The following BMPER variants were observed in gnomAD, a reference collection of about 807,000 sequenced individuals.
BMPER encodes BMP-binding endothelial regulator protein.
BMPER carries 45 observed loss-of-function variants against 87.3 expected under a neutral mutation model. The observed-to-expected ratio is 0.52, with a 90% confidence interval of 0.41 to 0.66. BMPER has a LOEUF of 0.66. BMPER is among the 30% of genes least tolerant of loss of function. The probability of loss-of-function intolerance (pLI) is 0.00; values close to 1 mark genes in which losing one functional copy is unlikely to be tolerated. For missense variants in BMPER, 784 were observed against 867.5 expected, an observed-to-expected ratio of 0.90 and a Z score of 1.21; for synonymous variants, 326 against 316.2, an observed-to-expected ratio of 1.03 and a Z score of -0.33.
At chr7:34,004,033 G>A (rs991730584) in intron 6 of BMPER, among the ~76,000 whole-genome samples, 1 of 151,868 alleles carries the variant, frequency 6.6e-6, no homozygotes, top group Admixed American at 6.6e-5. Context: ...ATAATCTTTG[G>A]CATGTTAGTA....
In BMPER at chr7:33,966,459, C is replaced by A. The variant is rs2128617712; in HGVS notation, c.320-20C>A. The A allele has an allele frequency of 6.2e-7, 1 of 1,607,076 alleles. No homozygotes were observed. Among genetic ancestry groups the A allele is most frequent in the South Asian group, 1.1e-5 (1 of 90,948 alleles). On this transcript the variant is annotated intron_variant, in intron 3 of 14. Coordinates refer to ENST00000649409, the MANE Select transcript of BMPER (RefSeq NM_001365308.1). ...TACCCATTCTTGGCCTTTCTTCCTGCTTCTGTGTCTCCTGTCTAGGTTGCA... is the reference window on the plus strand; with the variant it reads ...TACCCATTCTTGGCCTTTCTTCCTGATTCTGTGTCTCCTGTCTAGGTTGCA...
Position 34,055,289 on chromosome 7 carries a change from A to C in BMPER, c.913A>C (p.Asn305His). 6.2e-7 allele frequency: 1 copy of C among 1,614,094 alleles called. No homozygotes were observed. The highest frequency in any genetic ancestry group is 8.5e-7 in the Non-Finnish European group (1 of 1,180,008). The change falls in exon 9 of 15, where the codon AAC becomes CAC. Residue 305 changes from asparagine to histidine, a missense_variant. Coordinates refer to ENST00000649409, the MANE Select transcript of BMPER (RefSeq NM_001365308.1). ...PEDIKVCKFG[N>H]KIFQDGEMWS... is the part of the protein sequence containing the mutation. ...AGACATCAAAGTATGCAAATTTGGC[A>C]ACAAGATTTTCCAGGTATGTCATGA...
intron 6 of BMPER, among the ~76,000 whole-genome samples, chr7:34,028,713 G>A (rs1787444029): frequency 7.4e-6 from 1 of 134,338 alleles, no homozygotes; most frequent in African/African-American, 2.8e-5. Flanking sequence ...CCTCAATCTT[G>A]ATGCTTCCAG....
At chr7:34,052,071 G>C in intron 8 of BMPER, 101 bp downstream of exon 8, 1 of 1,097,528 alleles carries the variant, frequency 9.1e-7, no homozygotes, top group Admixed American at 1.7e-5. Context: ...TTATTTATTG[G>C]GAGGAAGCAT....
intron 6 of BMPER, among the ~76,000 whole-genome samples, chr7:34,034,614 A>G (rs1041472714): frequency 6.6e-6 from 1 of 152,170 alleles, no homozygotes; most frequent in African/African-American, 2.4e-5. Flanking sequence ...GGCCAATATC[A>G]CTTTCCTTTT....
intron 4 of BMPER, among the ~76,000 whole-genome samples, chr7:33,969,298 C>T (rs952309418): frequency 7.9e-5 from 12 of 152,112 alleles, no homozygotes; most frequent in African/African-American, 2.9e-4. Flanking sequence ...TGGAGAAAGC[C>T]CTTCAAAGGC....
chr7:34,055,336 G>A (rs1788254879), intron 9 of BMPER, 33 bp downstream of exon 9: 1 of 1,612,784 alleles, frequency 6.2e-7, no homozygotes. Flanking sequence ...GGGAACTCCT[G>A]TATTACTACG....
intron 13 of BMPER, among the ~76,000 whole-genome samples, chr7:34,104,362 C>G (rs1266663020): frequency 1.3e-5 from 2 of 152,172 alleles, no homozygotes; most frequent in East Asian, 1.9e-4. Flanking sequence ...GTTCCTCCCC[C>G]TCCCAACACA....
At chr7:34,032,396 C>T (rs1787552129) in intron 6 of BMPER, among the ~76,000 whole-genome samples, 1 of 152,080 alleles carries the variant, frequency 6.6e-6, no homozygotes, top group Non-Finnish European at 1.5e-5. Flanking sequence ...TATTTTTCCT[C>T]AAAGTTTTGA....
intron 6 of BMPER, among the ~76,000 whole-genome samples, chr7:33,991,761 T>C (rs942699548): frequency 2.7e-5 from 4 of 150,036 alleles, no homozygotes; most frequent in Non-Finnish European, 5.9e-5. Context: ...TTTAGTGCTA[T>C]AAATTTCCCT....
intron 13 of BMPER, among the ~76,000 whole-genome samples, chr7:34,129,222 G>A (rs1416386726): frequency 6.6e-6 from 1 of 151,928 alleles, no homozygotes; most frequent in African/African-American, 2.4e-5. Context: ...CCATATTAGG[G>A]ACGGGTGTGG....
intron 3 of BMPER, among the ~76,000 whole-genome samples, chr7:33,947,132 A>G (rs143724975): frequency 3.9e-5 from 6 of 152,068 alleles, no homozygotes; most frequent in Admixed American, 2.6e-4. Flanking sequence ...ATTTGAAAAA[A>G]CTCAATATTG....
intron 6 of BMPER, among the ~76,000 whole-genome samples, chr7:34,017,366 T>C (rs758284662): frequency 2.0e-4 from 30 of 151,704 alleles, no homozygotes; most frequent in Non-Finnish European, 4.0e-4. Context: ...CTCACAATCA[T>C]GGTGGAAGGT....
At chr7:34,098,422 A>T (rs778003548) in intron 13 of BMPER, among the ~76,000 whole-genome samples, 2 of 152,148 alleles carry the variant, frequency 1.3e-5, no homozygotes, top group Non-Finnish European at 2.9e-5. Context: ...TCAGGCTTTT[A>T]AAGAGTCTGG....
intron 2 of BMPER, among the ~76,000 whole-genome samples, chr7:33,930,271 T>G (rs543996431): frequency 6.6e-6 from 1 of 152,372 alleles, no homozygotes; most frequent in African/African-American, 2.4e-5. Context: ...ACTTAGGGTT[T>G]GTGGCTGACC....
intron 6 of BMPER, among the ~76,000 whole-genome samples, chr7:34,002,028 T>C (rs1463554139): frequency 6.6e-6 from 1 of 151,750 alleles, no homozygotes; most frequent in African/African-American, 2.4e-5. Context: ...AGAGAACATA[T>C]TTTTATTATT....
intron 4 of BMPER, among the ~76,000 whole-genome samples, chr7:33,969,390 C>A (rs1306174903): frequency 1.3e-5 from 2 of 152,046 alleles, no homozygotes; most frequent in Non-Finnish European, 1.5e-5. Context: ...AAATGACTCA[C>A]TTAATTTATT....
chr7:33,959,747 G>C lies in BMPER; in HGVS notation c.320-6732G>C, dbSNP rs182151023. Among the ~76,000 whole-genome samples the C allele has an allele frequency of 6.2e-3, 938 of 152,180 alleles. 4 individuals are homozygous for C. Among genetic ancestry groups the C allele is most frequent in the Middle Eastern group, 0.01 (3 of 294 alleles). On this transcript the variant is annotated intron_variant, in intron 3 of 14. Coordinates refer to ENST00000649409, the MANE Select transcript of BMPER (RefSeq NM_001365308.1). ...TGACTAGAATCCCAATTTATTTGTGGTTCATAGAATGTATTGTATTACCTT... is the reference window on the plus strand; with the variant it reads ...TGACTAGAATCCCAATTTATTTGTGCTTCATAGAATGTATTGTATTACCTT...
intron 2 of BMPER, chr7:33,921,916 T>C: frequency 2.2e-6 from 1 of 462,652 alleles, no homozygotes; most frequent in Non-Finnish European, 4.5e-6. Flanking sequence ...AGCTCCCCAC[T>C]TCACCCCAAC....
Sources: gnomAD v4.1 joint callset for allele counts (sites outside exome capture counted in the v4.1 genomes callset) on GRCh38, gnomAD v4.1.1 for gene constraint, MANE v1.5 for transcripts, NCBI Gene and HGNC (gene_info 2026-07-23, HGNC 2026-07-21) for gene names.